The following UGT3A2 variants were observed in gnomAD, a reference collection of about 807,000 sequenced individuals.
UGT3A2 encodes the protein UDP glycosyltransferase family 3 member A2.
Under a neutral mutation model 39.8 loss-of-function variants are expected in UGT3A2, and 32 were observed. The ratio of observed to expected loss-of-function variants is 0.80; its 90% CI spans 0.61 to 1.08. The LOEUF is 1.08. Ranked by LOEUF, UGT3A2 falls within the 50% of genes least tolerant of loss-of-function variation. The pLI, the probability that UGT3A2 is intolerant of heterozygous loss-of-function variation, is 0.00. For synonymous variants in UGT3A2, 241 were observed against 230.7 expected, an observed-to-expected ratio of 1.04 and a Z score of -0.40; for missense variants, 611 against 637.1, an observed-to-expected ratio of 0.96 and a Z score of 0.44.
At chr5:36,038,404 T>C (rs1455541100) in intron 5 of UGT3A2, among the ~76,000 whole-genome samples, 4 of 152,226 alleles carry the variant, frequency 2.6e-5, no homozygotes, top group African/African-American at 9.7e-5. Context: ...CTGCCTATAT[T>C]GAGCCCTCTT....
chr5:36,038,925 G>C (rs1353119588), intron 5 of UGT3A2, among the ~76,000 whole-genome samples: 1 of 152,216 alleles, frequency 6.6e-6, no homozygotes, highest in Admixed American at 6.5e-5. Context: ...CAACTGTGAA[G>C]TTGCTAAGCT....
intron 2 of UGT3A2, 123 bp from the exon 3 acceptor site, chr5:36,052,107 AT>A: frequency 1.5e-6 from 1 of 646,272 alleles, no homozygotes; most frequent in Non-Finnish European, 2.6e-6. Context: ...TGCTTCAAGT[AT>A]TTTTTAATGT....
chr5:36,061,264 A>C (rs1742690972), intron 2 of UGT3A2, among the ~76,000 whole-genome samples: 1 of 142,230 alleles, frequency 7.0e-6, no homozygotes, highest in African/African-American at 2.6e-5. Context: ...TTATACTTTA[A>C]GTTTTAGGGT....
chr5:36,063,080 A>G (rs1169567860), intron 2 of UGT3A2, among the ~76,000 whole-genome samples: 1 of 152,134 alleles, frequency 6.6e-6, no homozygotes, highest in Non-Finnish European at 1.5e-5. Context: ...AACAATGACA[A>G]GGCCTGATAT....
At position 36,045,619 on chromosome 5, in the gene UGT3A2, AAAAAGAAAAG is replaced by A. The variant is rs142098023; in HGVS notation, c.843+3260_843+3269del. On this transcript the variant is annotated intron_variant, in intron 4 of 6. Coordinates refer to ENST00000282507, the MANE Select transcript of UGT3A2 (RefSeq NM_174914.4). ...CAGTCTCAAAAAAAAAAAAGAAAAGAAAAAGAAAAGAAAAGAAAAGAAAAAGACTGAAATC... is the reference window on the plus strand; with the variant it reads ...CAGTCTCAAAAAAAAAAAAGAAAAGAAAAAGAAAAGAAAAAGACTGAAATC... 1.1e-3 allele frequency among the ~76,000 whole-genome samples: 164 copies of A among 151,642 alleles called. 1 individual carries two copies. Among genetic ancestry groups the A allele is most frequent in the Non-Finnish European group, 1.2e-3 (82 of 67,916 alleles).
At position 36,051,897 on chromosome 5, in the gene UGT3A2, A is replaced by C; in HGVS notation, c.284T>G (p.Phe95Cys). 1 of 1,592,550 alleles carries C rather than the reference A, an allele frequency of 6.3e-7. No individual in the cohort carries two copies. Among genetic ancestry groups the C allele is most frequent in the Non-Finnish European group, 8.5e-7 (1 of 1,174,768 alleles). ...GCCACCTAAAGTTTCTTCCAGAAAG[A>C]AATCAAAACTCTTTTTAAATTCTCT... Reference protein sequence around the residue: ...HQREFKKSFDFFLEETLGGRG... With the variant: ...HQREFKKSFDCFLEETLGGRG... Residue 95 changes from phenylalanine (F) to cysteine (C), a missense_variant, in exon 3 of 7, where the codon TTC (phenylalanine) becomes TGC (cysteine). Coordinates refer to ENST00000282507, the MANE Select transcript of UGT3A2 (RefSeq NM_174914.4).
At chr5:36,037,296 G>A (rs1452711663) in intron 6 of UGT3A2, among the ~76,000 whole-genome samples, 1 of 152,196 alleles carries the variant, frequency 6.6e-6, no homozygotes, top group Non-Finnish European at 1.5e-5. Context: ...AGGAAATGAT[G>A]TAACTGGGGT....
chr5:36,038,345 G>T (rs903895781), intron 5 of UGT3A2, among the ~76,000 whole-genome samples: 5 of 152,078 alleles, frequency 3.3e-5, no homozygotes, highest in Admixed American at 3.3e-4. Context: ...GCCTTTCTTT[G>T]CTTCTCTCAT....
chr5:36,039,417 C>T (rs1209163312), intron 5 of UGT3A2, 60 bp downstream of exon 5: 20 of 1,516,242 alleles, frequency 1.3e-5, no homozygotes, highest in South Asian at 2.3e-5. Flanking sequence ...AGGTCAGAGC[C>T]GTGATGAGCC....
chr5:36,050,117 T>A (rs1010231814), intron 3 of UGT3A2, among the ~76,000 whole-genome samples: 1 of 149,942 alleles, frequency 6.7e-6, no homozygotes, highest in African/African-American at 2.4e-5. Flanking sequence ...ATATTTTATA[T>A]ATTATTTATT....
chr5:36,054,413 G>T (rs1463342969), intron 2 of UGT3A2, among the ~76,000 whole-genome samples: 1 of 152,086 alleles, frequency 6.6e-6, no homozygotes. Context: ...TATTCATCTT[G>T]TCCCAACATC....
intron 3 of UGT3A2, among the ~76,000 whole-genome samples, chr5:36,050,075 T>C (rs906055244): frequency 4.6e-5 from 7 of 150,776 alleles, no homozygotes; most frequent in South Asian, 2.1e-4. Context: ...TATTCCTTTA[T>C]TATTGACTTT....
chr5:36,041,945 A>G (rs557696659), intron 4 of UGT3A2, among the ~76,000 whole-genome samples: 11 of 152,160 alleles, frequency 7.2e-5, no homozygotes, highest in Non-Finnish European at 1.6e-4. Context: ...ACACAGAAAA[A>G]TGTGACCTTT....
Position 36,035,545 on chromosome 5 carries a change from G to C in UGT3A2, c.*153C>G. ...TGAATTTGTAGCAAAATTAGCAAGTGGAAAGGATGATTTTTGGCCATTTTT... is the reference window on the plus strand; with the variant it reads ...TGAATTTGTAGCAAAATTAGCAAGTCGAAAGGATGATTTTTGGCCATTTTT... On this transcript the variant is annotated 3_prime_UTR_variant, in exon 7 of 7. Transcript: ENST00000282507. The C allele has an allele frequency of 8.7e-7, 1 of 1,148,230 alleles. No individual in the cohort carries two copies. The highest frequency in any genetic ancestry group is 1.7e-5 in the South Asian group (1 of 59,988). The allele number at this position is 1,148,230 out of a possible 1,614,324, so 71.1% of individuals were successfully genotyped here. A position where few individuals can be genotyped will look rare whatever the true frequency, so the allele number is the denominator to read the frequency against.
rs1370384932 is a variant in UGT3A2 at position 36,038,030 on chromosome 5, G to C, written c.1076-14C>G. The C allele has an allele frequency of 3.2e-6, 5 of 1,576,244 alleles. No homozygotes were observed. In the African/African-American group the frequency reaches 6.8e-5, roughly 21 times the overall value. Reference sequence around the variant, plus strand: ...TGCTTGGGTGAGCTGTTGTAAATAAGAAAGAGGGTGGGACACTTCAGGATG... The same window carrying C: ...TGCTTGGGTGAGCTGTTGTAAATAACAAAGAGGGTGGGACACTTCAGGATG... On this transcript the variant is annotated splice_polypyrimidine_tract_variant and intron_variant, in intron 5 of 6. Transcript: ENST00000282507.
intron 2 of UGT3A2, among the ~76,000 whole-genome samples, chr5:36,053,541 C>T (rs184735610): frequency 6.0e-4 from 92 of 152,308 alleles, no homozygotes; most frequent in Non-Finnish European, 1.1e-3. Flanking sequence ...CTCATTAGTG[C>T]CCGCCAGGGA....
chr5:36,051,962 T>C lies in UGT3A2; in HGVS notation c.219A>G (p.Ser73=), dbSNP rs762029254. Residue 73 remains serine, a synonymous_variant, in exon 3 of 7, where the codon TCA becomes TCG. Transcript: ENST00000282507. ...FMPDFKKEEK[S]YQVISWLAPE... ...GTGCAAGCCAACTGATAACTTGATA[T>C]GATTTTTCTTCCTTTTTAAAATCTA... 15 of 1,573,586 alleles carry C rather than the reference T, an allele frequency of 9.5e-6. No individual in the cohort carries two copies. Among genetic ancestry groups the C allele is most frequent in the African/African-American group, 5.5e-5 (4 of 72,318 alleles).
intron 2 of UGT3A2, among the ~76,000 whole-genome samples, chr5:36,056,262 C>A (rs1311317050): frequency 3.9e-5 from 6 of 152,212 alleles, no homozygotes; most frequent in Admixed American, 3.3e-4. Flanking sequence ...ATAGCCCAGG[C>A]TTTGTTACAG....
At chr5:36,039,810 C>G in intron 4 of UGT3A2, 102 bp from the exon 5 acceptor site, 1 of 853,066 alleles carries the variant, frequency 1.2e-6, no homozygotes, top group Non-Finnish European at 1.9e-6. Context: ...AGTGCCCTGT[C>G]CTCACTGTCC....
Sources: gnomAD v4.1 joint callset for allele counts (sites outside exome capture counted in the v4.1 genomes callset) on GRCh38, gnomAD v4.1.1 for gene constraint, MANE v1.5 for transcripts, NCBI Gene and HGNC (gene_info 2026-07-23, HGNC 2026-07-21) for gene names.